SLCO3A1: variants seen among roughly 807,000 people sequenced by gnomAD.
SLCO3A1 encodes PGE1 transporter.
In SLCO3A1, 27 loss-of-function variants were observed where a neutral mutation model predicts 63.1. The observed-to-expected ratio is 0.43, with a 90% CI of 0.32 to 0.59. The LOEUF (loss-of-function observed/expected upper bound fraction) is 0.59. Among genes scored for constraint, SLCO3A1 ranks in the 20% least tolerant of loss-of-function variants. SLCO3A1 has a pLI of 0.09. For missense variants in SLCO3A1, 773 were observed against 945.8 expected (o/e 0.82, Z 2.40); for synonymous variants, 473 against 409.9 (o/e 1.15, Z -1.86).
chr15:92,007,069 A>C (rs1033159987), intron 2 of SLCO3A1, among the ~76,000 whole-genome samples: 6 of 152,218 alleles, frequency 3.9e-5, no homozygotes, highest in Admixed American at 6.5e-5. Context: ...ACAGTTTATA[A>C]ACGAACTAAG....
intron 2 of SLCO3A1, among the ~76,000 whole-genome samples, chr15:91,957,084 GTATATATAATATATATAATATATA>G (rs1597156154): frequency 5.0e-3 from 5 of 1,006 alleles, no homozygotes; most frequent in South Asian, 0.045. Context: ...ATACTATATA[GTATATATAATATATATAATATATA>G]TATATATAAT....
intron 2 of SLCO3A1, among the ~76,000 whole-genome samples, chr15:92,008,359 G>A (rs2046334686): frequency 6.6e-6 from 1 of 152,188 alleles, no homozygotes. Context: ...CCAAAGGCAA[G>A]TCACCTATTC....
chr15:91,902,266 A>G (rs551924338), intron 1 of SLCO3A1, among the ~76,000 whole-genome samples: 1 of 152,092 alleles, frequency 6.6e-6, no homozygotes, highest in South Asian at 2.1e-4. Context: ...ACATGATCAT[A>G]GTTCACTGAA....
At chr15:91,956,448 G>T (rs1191952444) in intron 2 of SLCO3A1, among the ~76,000 whole-genome samples, 1 of 152,244 alleles carries the variant, frequency 6.6e-6, no homozygotes, top group Non-Finnish European at 1.5e-5. Flanking sequence ...TTTGTGAGTG[G>T]AGTAAGCGGA....
At chr15:92,114,872 G>C (rs549151162) in intron 4 of SLCO3A1, among the ~76,000 whole-genome samples, 1 of 152,230 alleles carries the variant, frequency 6.6e-6, no homozygotes, top group South Asian at 2.1e-4. Flanking sequence ...TCCCAGCTCT[G>C]CATTCTTGGG....
rs2048464042 is a variant in SLCO3A1 at position 92,163,331 on chromosome 15, A to G, written c.*196A>G. The G allele has an allele frequency of 1.6e-6, 2 of 1,234,298 alleles. No individual in the cohort carries two copies. The allele number at this position is 1,234,298 out of a possible 1,614,324, so 76.5% of individuals were successfully genotyped here. On this transcript the variant is annotated 3_prime_UTR_variant, in exon 10 of 10. Coordinates refer to ENST00000318445, the MANE Select transcript of SLCO3A1 (RefSeq NM_013272.4). The stretch of plus-strand genomic sequence containing the variant: ...AGACAGGATTCAGAATAAGGAGAGA[A>G]TGACATCGTGCGGCAGGGTCCTGGA...
chr15:92,047,900 T>C (rs1382108341), intron 2 of SLCO3A1, among the ~76,000 whole-genome samples: 3 of 151,614 alleles, frequency 2.0e-5, no homozygotes, highest in Non-Finnish European at 4.4e-5. Context: ...AGCCAGGCAA[T>C]GTACCGGGCA....
At position 91,865,058 on chromosome 15, in the gene SLCO3A1, C is replaced by A. The variant is rs1036960788; in HGVS notation, c.180+10970C>A. Among the ~76,000 whole-genome samples, 6 of 152,206 alleles carry A rather than the reference C, an allele frequency of 3.9e-5. No individual in the cohort carries two copies. The highest frequency in any genetic ancestry group is 8.8e-5 in the Non-Finnish European group (6 of 68,044). On this transcript the variant is annotated intron_variant, in intron 1 of 9. Coordinates refer to ENST00000318445, the MANE Select transcript of SLCO3A1 (RefSeq NM_013272.4). The surrounding 1 kb of genome is among the most constrained non-coding windows in gnomAD (Gnocchi z 4.6). ...TCTGCCCCCTCCGTGGTTGGCCACC[C>A]GCTGTCCCTATCCAGTGGATAATGG...
intron 9 of SLCO3A1, among the ~76,000 whole-genome samples, chr15:92,155,957 G>A (rs1486664786): frequency 6.6e-6 from 1 of 152,062 alleles, no homozygotes; most frequent in South Asian, 2.1e-4. Flanking sequence ...CAGCCTGCCC[G>A]CCTAGCCAAA....
chr15:91,940,911 T>C (rs971716615), intron 2 of SLCO3A1, among the ~76,000 whole-genome samples: 1 of 152,130 alleles, frequency 6.6e-6, no homozygotes, highest in Non-Finnish European at 1.5e-5. Flanking sequence ...ACATTCCACT[T>C]GGGAGCTGCT....
At chr15:91,892,401 C>T (rs1366943402) in intron 1 of SLCO3A1, among the ~76,000 whole-genome samples, 1 of 152,158 alleles carries the variant, frequency 6.6e-6, no homozygotes, top group East Asian at 1.9e-4. Flanking sequence ...AGAGTCCCTG[C>T]CCAGGCCATG....
At chr15:91,979,348 G>A (rs1262312150) in intron 2 of SLCO3A1, among the ~76,000 whole-genome samples, 1 of 152,202 alleles carries the variant, frequency 6.6e-6, no homozygotes, top group African/African-American at 2.4e-5. Flanking sequence ...TTTTGTGCAT[G>A]GAACAAAGTG....
At chr15:91,996,188 T>C (rs1257871454) in intron 2 of SLCO3A1, among the ~76,000 whole-genome samples, 1 of 152,086 alleles carries the variant, frequency 6.6e-6, no homozygotes, top group East Asian at 1.9e-4. Context: ...AGCATTTCTA[T>C]AGATAAGCAA....
intron 2 of SLCO3A1, among the ~76,000 whole-genome samples, chr15:91,990,102 C>T (rs1409624265): frequency 1.3e-5 from 2 of 151,980 alleles, no homozygotes; most frequent in African/African-American, 2.4e-5. Flanking sequence ...GGCGGGAGGG[C>T]GGAAGAGATG....
chr15:91,859,119 G>A lies in SLCO3A1; in HGVS notation c.180+5031G>A, dbSNP rs1348247765. Among the ~76,000 whole-genome samples the A allele has an allele frequency of 6.6e-6, 1 of 152,158 alleles. No individual in the cohort carries two copies. Among genetic ancestry groups the A allele is most frequent in the African/African-American group, 2.4e-5 (1 of 41,438 alleles). ...ATTTACATACGTGTTTGTGTACAGC[G>A]TTGCATACAATGAATATTGTATGCC... On this transcript the variant is annotated intron_variant, in intron 1 of 9. Transcript: ENST00000318445. This position sits in a 1 kb window ranked among gnomAD's most constrained non-coding sequence, Gnocchi z 5.1.
chr15:91,903,855 G>A (rs984400211), intron 1 of SLCO3A1, among the ~76,000 whole-genome samples: 6 of 152,216 alleles, frequency 3.9e-5, no homozygotes, highest in African/African-American at 1.4e-4. Flanking sequence ...GACTGAAGGA[G>A]GATGGCAGTG....
chr15:92,071,108 C>G (rs1170812066), intron 2 of SLCO3A1, among the ~76,000 whole-genome samples: 1 of 152,182 alleles, frequency 6.6e-6, no homozygotes, highest in East Asian at 1.9e-4. Flanking sequence ...AGTACAACCA[C>G]TGAAAGAAGC....
chr15:92,062,721 C>G (rs56798930), intron 2 of SLCO3A1, among the ~76,000 whole-genome samples: 23,340 of 152,148 alleles, frequency 0.15, 1,891 homozygotes, highest in African/African-American at 0.19. Context: ...CCAGGTCACT[C>G]TCTCGGGCTC....
In SLCO3A1 at chr15:91,954,877, G is replaced by A. The variant is rs754767603; in HGVS notation, c.646+38419G>A. Among the ~76,000 whole-genome samples, 13 of 152,064 alleles carry A rather than the reference G, an allele frequency of 8.5e-5. No individual in the cohort carries two copies. Among genetic ancestry groups the A allele is most frequent in the Non-Finnish European group, 1.6e-4 (11 of 68,000 alleles). ...CGCTGCTTTCTGCCACTGCCCAAGG[G>A]CTGGACAGCACCACCCCTCCTAATT... On this transcript the variant is annotated intron_variant, in intron 2 of 9. Coordinates refer to ENST00000318445, the MANE Select transcript of SLCO3A1 (RefSeq NM_013272.4). This position sits in a 1 kb window ranked among gnomAD's most constrained non-coding sequence, Gnocchi z 4.7.
Sources: allele counts gnomAD v4.1 joint callset (sites outside exome capture counted in the v4.1 genomes callset), GRCh38; gene constraint gnomAD v4.1.1; non-coding constraint Gnocchi (gnomAD v3.1); transcripts MANE v1.5; gene names NCBI Gene and HGNC (gene_info 2026-07-23, HGNC 2026-07-21).